The following CLNS1A variants were observed in gnomAD, a reference collection of about 807,000 sequenced individuals.
The protein encoded by CLNS1A is chloride nucleotide-sensitive channel 1A.
CLNS1A carries 16 observed loss-of-function variants against 29.4 expected under a neutral mutation model. The observed-to-expected ratio is 0.54, with a 90% CI of 0.37 to 0.83. CLNS1A has a LOEUF of 0.83. Among genes scored for constraint, CLNS1A ranks in the 40% least tolerant of loss-of-function variants. CLNS1A has a pLI of 0.00. For synonymous variants in CLNS1A, 96 were observed against 104.8 expected (o/e 0.92, Z 0.51); for missense variants, 235 against 287.4 (o/e 0.82, Z 1.32).
intron 5 of CLNS1A, 64 bp from the exon 6 acceptor site, chr11:77,619,759 A>T: frequency 8.8e-7 from 1 of 1,139,690 alleles, no homozygotes; most frequent in African/African-American, 1.5e-5. Flanking sequence ...GATTCAACTT[A>T]TAACTTCTAC....
At chr11:77,631,710 T>G (rs1034710008) in intron 1 of CLNS1A, among the ~76,000 whole-genome samples, 7 of 150,836 alleles carry the variant, frequency 4.6e-5, no homozygotes, top group African/African-American at 1.7e-4. Context: ...AAAAAAAAAG[T>G]AAAGGAAAAC....
Position 77,637,763 on chromosome 11 carries a change from A to G in CLNS1A, c.-49T>C, listed in dbSNP as rs1026401875. 1.3e-6 allele frequency: 2 copies of G among 1,524,856 alleles called. No individual in the cohort carries two copies. Among genetic ancestry groups the G allele is most frequent in the African/African-American group, 1.4e-5 (1 of 72,388 alleles). The allele number at this position is 1,524,856 out of a possible 1,614,324, so 94.5% of individuals were successfully genotyped here. A position where few individuals can be genotyped will look rare whatever the true frequency, so the allele number is the denominator to read the frequency against. On this transcript the variant is annotated 5_prime_UTR_variant, in exon 1 of 7. Transcript: ENST00000525428. ...GCCCTGAGGGAGTTGGAGCACAGCAATGCGTGCACCACACCGCCCGCCCTG... is the reference window on the plus strand; with the variant it reads ...GCCCTGAGGGAGTTGGAGCACAGCAGTGCGTGCACCACACCGCCCGCCCTG...
At chr11:77,636,480 C>T (rs572817633) in intron 1 of CLNS1A, among the ~76,000 whole-genome samples, 7 of 152,176 alleles carry the variant, frequency 4.6e-5, no homozygotes. Flanking sequence ...CAGTTTCTGG[C>T]CTGAAGCCTA....
chr11:77,616,323 A>T lies in CLNS1A; in HGVS notation c.*395T>A, dbSNP rs79950774. On this transcript the variant is annotated 3_prime_UTR_variant, in exon 7 of 7. Transcript: ENST00000525428. ...GAGGTTATAACAGCAGACTGGTAAA[A>T]CATGGCGAAAGGAGCTCTCTCTTTC... is the stretch of plus-strand genomic sequence containing the variant. The T allele has an allele frequency of 0.04, 6,068 of 152,362 alleles. 157 individuals are homozygous for T. Among genetic ancestry groups the T allele is most frequent in the Middle Eastern group, 0.068 (20 of 294 alleles). The allele number at this position is 152,362 out of a possible 1,614,324, so 9.4% of individuals were successfully genotyped here.
rs1268877789 is a variant in CLNS1A, at chr11:77,629,826, A to C, written c.199T>G (p.Ser67Ala). 1 of 1,613,798 alleles carries C rather than the reference A, an allele frequency of 6.2e-7. No homozygotes were observed. Among genetic ancestry groups the C allele is most frequent in the Non-Finnish European group, 8.5e-7 (1 of 1,179,890 alleles). ...CCTAGACAGTCACTTCGGTCCCTGG[A>C]TAATGCATGTAAACTAATGGTGGGG... ...EYPTISLHAL[S>A]RDRSDCLGEH... is the part of the protein sequence containing the mutation. The change falls in exon 2 of 7, where the codon TCC becomes GCC. Residue 67 changes from serine to alanine, a missense_variant. Physicochemically the swap from Ser to Ala is moderately conservative, Grantham distance 99 (BLOSUM62 1). Coordinates refer to ENST00000525428, the MANE Select transcript of CLNS1A (RefSeq NM_001293.3).
At chr11:77,637,406 C>T (rs1959143184) in intron 1 of CLNS1A, among the ~76,000 whole-genome samples, 184 bp downstream of exon 1, 1 of 150,328 alleles carries the variant, frequency 6.7e-6, no homozygotes, top group Non-Finnish European at 1.5e-5. Flanking sequence ...GAATGGAAGA[C>T]TCCGGAGGAG....
intron 1 of CLNS1A, among the ~76,000 whole-genome samples, chr11:77,635,652 T>C (rs1959117727): frequency 6.6e-6 from 1 of 152,004 alleles, no homozygotes; most frequent in South Asian, 2.1e-4. Context: ...CACTGGATCT[T>C]AGGTTTGAAA....
intron 1 of CLNS1A, among the ~76,000 whole-genome samples, chr11:77,636,584 G>A (rs1959128135): frequency 6.6e-6 from 1 of 152,108 alleles, no homozygotes; most frequent in African/African-American, 2.4e-5. Context: ...TTGGCCCCAC[G>A]ACCTTCACTT....
intron 1 of CLNS1A, among the ~76,000 whole-genome samples, chr11:77,637,243 T>TAAAAAAAAAAAAAAAAAAAAAA (rs747109219): frequency 4.2e-4 from 18 of 43,170 alleles, no homozygotes; most frequent in African/African-American, 8.5e-4. Flanking sequence ...ATAGGCGAGT[T>TAAAAAAAAAAAAAAAAAAAAAA]AAAAAAAAAA....
At chr11:77,628,543 C>CA (rs563224498) in intron 2 of CLNS1A, among the ~76,000 whole-genome samples, 181 of 152,254 alleles carry the variant, frequency 1.2e-3, no homozygotes, top group Middle Eastern at 0.01. Context: ...AATCTTATAA[C>CA]AAAAATATTT....
intron 1 of CLNS1A, among the ~76,000 whole-genome samples, chr11:77,635,260 CAG>C (rs913298188): frequency 1.3e-5 from 2 of 151,712 alleles, no homozygotes; most frequent in African/African-American, 4.8e-5. Flanking sequence ...AAAAGAAAAA[CAG>C]AGACATAAAC....
chr11:77,624,871 A>G, intron 4 of CLNS1A, 92 bp downstream of exon 4: 1 of 750,330 alleles, frequency 1.3e-6, no homozygotes, highest in Admixed American at 2.7e-5. Context: ...AGTCATATAA[A>G]GAACTATAAT....
At chr11:77,619,036 A>AT (rs1284106433) in intron 6 of CLNS1A, among the ~76,000 whole-genome samples, 4 of 152,224 alleles carry the variant, frequency 2.6e-5, no homozygotes, top group Non-Finnish European at 5.9e-5. Flanking sequence ...AGGGACAACA[A>AT]TTTAACAACA....
intron 2 of CLNS1A, among the ~76,000 whole-genome samples, chr11:77,628,302 G>C (rs1431805883): frequency 6.6e-6 from 1 of 152,170 alleles, no homozygotes; most frequent in African/African-American, 2.4e-5. Context: ...TCGCATTTCT[G>C]CAAATGAATG....
intron 1 of CLNS1A, among the ~76,000 whole-genome samples, chr11:77,632,767 A>G (rs1397315212): frequency 2.6e-5 from 4 of 152,110 alleles, no homozygotes; most frequent in Non-Finnish European, 5.9e-5. Context: ...TTTTTCCAAC[A>G]GCATGTTACT....
chr11:77,636,797 T>C (rs1157284620), intron 1 of CLNS1A, among the ~76,000 whole-genome samples: 1 of 152,022 alleles, frequency 6.6e-6, no homozygotes, highest in African/African-American at 2.4e-5. Context: ...GCAACACATA[T>C]CTGAAGGGCA....
At chr11:77,632,925 A>T (rs1959089147) in intron 1 of CLNS1A, among the ~76,000 whole-genome samples, 1 of 151,832 alleles carries the variant, frequency 6.6e-6, no homozygotes, top group Non-Finnish European at 1.5e-5. Flanking sequence ...TGTCTCTATT[A>T]AAAATACGAA....
At chr11:77,621,597 C>T (rs575783910) in intron 5 of CLNS1A, among the ~76,000 whole-genome samples, 3 of 152,182 alleles carry the variant, frequency 2.0e-5, no homozygotes, top group Admixed American at 6.5e-5. Context: ...GAGCCAAGAT[C>T]GTGCCATTGC....
intron 2 of CLNS1A, among the ~76,000 whole-genome samples, chr11:77,628,486 C>T (rs951033179): frequency 4.6e-5 from 7 of 152,186 alleles, no homozygotes; most frequent in African/African-American, 1.4e-4. Flanking sequence ...TCAAACTTCA[C>T]TAGATTTTTA....
Sources: allele counts gnomAD v4.1 joint callset (sites outside exome capture counted in the v4.1 genomes callset), GRCh38; gene constraint gnomAD v4.1.1; transcripts MANE v1.5; gene names NCBI Gene and HGNC (gene_info 2026-07-23, HGNC 2026-07-21).